Variants in DLG1 observed in about 807,000 individuals in gnomAD.
The protein encoded by DLG1 is discs large MAGUK scaffold protein 1, also known as disks large homolog 1.
Under a neutral mutation model 123.4 loss-of-function variants are expected in DLG1, and 42 were observed. That is an observed-to-expected ratio of 0.34 (90% CI 0.27 to 0.44). The LOEUF (loss-of-function observed/expected upper bound fraction) is 0.44. Ranked by LOEUF, DLG1 falls within the 20% of genes least tolerant of loss-of-function variation. The pLI, the probability that DLG1 is intolerant of heterozygous loss-of-function variation, is 1.00. For synonymous variants in DLG1, 317 were observed against 356.2 expected, an observed-to-expected ratio of 0.89 and a Z score of 1.24; for missense variants, 942 against 1,082.6, an observed-to-expected ratio of 0.87 and a Z score of 1.82.
chr3:197,169,096 CTT>C (rs975056894), intron 5 of DLG1, among the ~76,000 whole-genome samples: 4 of 152,124 alleles, frequency 2.6e-5, no homozygotes, highest in Non-Finnish European at 5.9e-5. Context: ...AAAAGCAGCA[CTT>C]AAAACAGATT....
intron 15 of DLG1, among the ~76,000 whole-genome samples, chr3:197,086,461 A>C (rs1416932684): frequency 6.6e-6 from 1 of 152,216 alleles, no homozygotes; most frequent in Non-Finnish European, 1.5e-5. Flanking sequence ...AAGCTCTCTC[A>C]AGAGTGTAAG....
chr3:197,162,669 A>G (rs1406972138), intron 5 of DLG1, among the ~76,000 whole-genome samples: 1 of 152,218 alleles, frequency 6.6e-6, no homozygotes, highest in Non-Finnish European at 1.5e-5. Flanking sequence ...CATGCAAAAG[A>G]TGAAGGTCTA....
intron 7 of DLG1, 108 bp downstream of exon 7, chr3:197,142,610 G>C (rs1322204869): frequency 2.6e-6 from 2 of 780,004 alleles, no homozygotes; most frequent in Non-Finnish European, 3.8e-6. Context: ...TGGGAACTTA[G>C]AAAATATCAT....
chr3:197,071,259 A>C (rs1743741278), intron 18 of DLG1, among the ~76,000 whole-genome samples: 1 of 152,196 alleles, frequency 6.6e-6, no homozygotes, highest in South Asian at 2.1e-4. Context: ...TACAGAAGAA[A>C]CAGAATTGGC....
At chr3:197,218,163 G>A (rs779770002) in intron 4 of DLG1, among the ~76,000 whole-genome samples, 4 of 152,198 alleles carry the variant, frequency 2.6e-5, no homozygotes, top group Non-Finnish European at 5.9e-5. Context: ...TGTCAGCTAA[G>A]AGAAGTGTTC....
In DLG1 at chr3:197,044,443, AAAT is replaced by A. The variant is rs1422896390; in HGVS notation, c.*177_*179del. ...ATGGCCACTAACCAATAGTGACATT[AAAT>A]AATACACACGATGTAACTTGAAGGA... On this transcript the variant is annotated 3_prime_UTR_variant, in exon 25 of 25. Coordinates refer to ENST00000667157, the MANE Select transcript of DLG1 (RefSeq NM_001366207.1). 2 of 439,464 alleles carry A rather than the reference AAAT, an allele frequency of 4.6e-6. No individual in the cohort carries two copies. The highest frequency in any genetic ancestry group is 8.1e-6 in the Non-Finnish European group (2 of 245,956). The allele number at this position is 439,464 out of a possible 1,614,324, so 27.2% of individuals were successfully genotyped here. A position where few individuals can be genotyped will look rare whatever the true frequency, so the allele number is the denominator to read the frequency against.
At chr3:197,096,840 C>T (rs1000268943) in intron 14 of DLG1, among the ~76,000 whole-genome samples, 9 of 152,140 alleles carry the variant, frequency 5.9e-5, no homozygotes, top group African/African-American at 9.7e-5. Context: ...GGAGACATTA[C>T]GCTAATCCTT....
chr3:197,097,278 A>G (rs1761098727), intron 14 of DLG1, among the ~76,000 whole-genome samples: 1 of 152,126 alleles, frequency 6.6e-6, no homozygotes, highest in African/African-American at 2.4e-5. Flanking sequence ...ATTGTACAAA[A>G]ACTCTTATAG....
At chr3:197,052,192 T>A (rs1413603817) in intron 23 of DLG1, among the ~76,000 whole-genome samples, 4 of 151,626 alleles carry the variant, frequency 2.6e-5, no homozygotes, top group Admixed American at 6.6e-5. Context: ...TGGTGGCTAA[T>A]ACCTGTAATC....
chr3:197,096,942 C>T lies in DLG1; in HGVS notation c.1547-5916G>A, dbSNP rs540988831. On this transcript the variant is annotated intron_variant, in intron 14 of 24. Coordinates refer to ENST00000667157, the MANE Select transcript of DLG1 (RefSeq NM_001366207.1). ...TGAAATTAGTTTTCCCCAACTTTTA[C>T]ATAGGAGTTACGAGTCAAGATAGGT... 5.3e-5 allele frequency among the ~76,000 whole-genome samples: 8 copies of T among 152,324 alleles called. No homozygotes were observed. The South Asian group carries it at 1.7e-3, about 32-fold the overall frequency.
intron 4 of DLG1, among the ~76,000 whole-genome samples, chr3:197,259,309 G>A (rs1393134890): frequency 3.3e-5 from 5 of 152,072 alleles, no homozygotes; most frequent in Non-Finnish European, 7.4e-5. Context: ...ACAGATAATG[G>A]GCATGTCTGT....
At chr3:197,191,668 G>A (rs774999842) in intron 5 of DLG1, among the ~76,000 whole-genome samples, 16 of 152,152 alleles carry the variant, frequency 1.1e-4, no homozygotes, top group Non-Finnish European at 1.9e-4. Flanking sequence ...AAAGCAGGCT[G>A]ACAAGAACAG....
chr3:197,044,626 T>C lies in DLG1; in HGVS notation c.2679A>G (p.Leu893=), dbSNP rs145748668. Residue 893 remains leucine (L), a synonymous_variant, in exon 25 of 25, where the codon CTA becomes CTG. Transcript: ENST00000667157. The part of the protein sequence containing the change: ...SYIWVPAKEK[L] The stretch of plus-strand genomic sequence containing the variant: ...AGAAACAGAGAAACATGAGTTTTCA[T>C]AGCTTTTCTTTTGCCGGAACCCAGA... 6 of 1,599,260 alleles carry C rather than the reference T, an allele frequency of 3.8e-6. No homozygotes were observed. Among genetic ancestry groups the C allele is most frequent in the South Asian group, 1.1e-5 (1 of 89,618 alleles).
At chr3:197,188,765 A>G (rs1403834221) in intron 5 of DLG1, among the ~76,000 whole-genome samples, 2 of 152,234 alleles carry the variant, frequency 1.3e-5, no homozygotes, top group Non-Finnish European at 2.9e-5. Flanking sequence ...AATACTTGAC[A>G]CTGTATTTTA....
chr3:197,078,988 TGTTA>T (rs962489189), intron 17 of DLG1, among the ~76,000 whole-genome samples: 21 of 152,124 alleles, frequency 1.4e-4, no homozygotes, highest in African/African-American at 3.6e-4. Flanking sequence ...GAGAAATGCT[TGTTA>T]GTTAAGAAAG....
chr3:197,108,967 TA>T (rs1409420617), intron 13 of DLG1, among the ~76,000 whole-genome samples: 1 of 152,230 alleles, frequency 6.6e-6, no homozygotes, highest in East Asian at 1.9e-4. Flanking sequence ...ATTAAATAGA[TA>T]TTTCCTAGTG....
intron 6 of DLG1, among the ~76,000 whole-genome samples, chr3:197,144,869 T>G (rs1789915627): frequency 6.6e-6 from 1 of 152,216 alleles, no homozygotes; most frequent in Non-Finnish European, 1.5e-5. Flanking sequence ...CAGGCTGGAA[T>G]GCAGTGGCAT....
chr3:197,138,350 C>T lies in DLG1; in HGVS notation c.755G>A (p.Arg252His), dbSNP rs545509250. 39 of 1,566,048 alleles carry T rather than the reference C, an allele frequency of 2.5e-5. No homozygotes were observed. The East Asian group carries it at 3.4e-4, about 14-fold the overall frequency. The change falls in exon 9 of 25, where the codon CGT becomes CAT. Residue 252 changes from arginine (R) to histidine (H), a missense_variant. Physicochemically the swap from Arg to His is conservative, Grantham distance 29. Transcript: ENST00000667157. The part of the protein sequence containing the change: ...CILRVNEVDV[R>H]DVTHSKAVEA... ...AACTGCTTTGCTATGTGTTACATCA[C>T]GAACATCTACTTCATTTACTCGTAA...
intron 4 of DLG1, among the ~76,000 whole-genome samples, chr3:197,273,173 T>G (rs547585383): frequency 6.6e-6 from 1 of 151,352 alleles, no homozygotes; most frequent in East Asian, 1.9e-4. Flanking sequence ...AGATTAAACC[T>G]GGTACACTGA....
Sources: allele counts gnomAD v4.1 joint callset (sites outside exome capture counted in the v4.1 genomes callset), GRCh38; gene constraint gnomAD v4.1.1; transcripts MANE v1.5; gene names NCBI Gene and HGNC (gene_info 2026-07-23, HGNC 2026-07-21).